The following MGMT variants were observed in gnomAD, a reference collection of about 807,000 sequenced individuals.
MGMT encodes the protein methylated-DNA--protein-cysteine methyltransferase.
MGMT carries 14 observed loss-of-function variants against 15.9 expected under a neutral mutation model. That is an observed-to-expected ratio of 0.88 (90% CI 0.58 to 1.37). The LOEUF is 1.37. Ranked by LOEUF, MGMT falls within the 40% of genes most tolerant of loss-of-function variation. The pLI, the probability that MGMT is intolerant of heterozygous loss-of-function variation, is 0.00. For synonymous variants in MGMT, 130 were observed against 118.2 expected, an observed-to-expected ratio of 1.10 and a Z score of -0.65; for missense variants, 282 against 268.1, an observed-to-expected ratio of 1.05 and a Z score of -0.36.
chr10:129,649,277 G>A (rs1393286907), intron 2 of MGMT, among the ~76,000 whole-genome samples: 3 of 152,036 alleles, frequency 2.0e-5, no homozygotes, highest in African/African-American at 7.3e-5. Flanking sequence ...TAACTATGTC[G>A]AGTGGATGGC....
chr10:129,485,779 TC>T (rs1845402178), intron 1 of MGMT, among the ~76,000 whole-genome samples: 1 of 152,190 alleles, frequency 6.6e-6, no homozygotes, highest in Non-Finnish European at 1.5e-5. Context: ...AGAAGTGGGA[TC>T]CCCACCAAGT....
intron 2 of MGMT, among the ~76,000 whole-genome samples, chr10:129,605,231 T>A (rs1228727219): frequency 6.6e-6 from 1 of 152,228 alleles, no homozygotes; most frequent in Non-Finnish European, 1.5e-5. Flanking sequence ...ATTTGATTAT[T>A]TTATTTTAAA....
chr10:129,601,489 C>T (rs1255047508), intron 2 of MGMT, among the ~76,000 whole-genome samples: 1 of 152,156 alleles, frequency 6.6e-6, no homozygotes, highest in Non-Finnish European at 1.5e-5. Flanking sequence ...TCCAGCCTTC[C>T]TGGCAGTGTG....
chr10:129,714,652 C>G (rs973935359), intron 3 of MGMT, among the ~76,000 whole-genome samples: 1 of 152,194 alleles, frequency 6.6e-6, no homozygotes, highest in Non-Finnish European at 1.5e-5. Flanking sequence ...AGGAATTTAT[C>G]AAAATGGATG....
chr10:129,729,953 T>TGA, intron 3 of MGMT, among the ~76,000 whole-genome samples: 1 of 152,282 alleles, frequency 6.6e-6, no homozygotes, highest in Admixed American at 6.5e-5. Flanking sequence ...GGTGTTGATA[T>TGA]GAGGTGTCTG....
chr10:129,510,107 G>A (rs902235019), intron 1 of MGMT, among the ~76,000 whole-genome samples: 6 of 152,138 alleles, frequency 3.9e-5, no homozygotes, highest in Non-Finnish European at 7.3e-5. Flanking sequence ...TGTCTCCTCG[G>A]GAGAACACCA....
chr10:129,635,607 T>A (rs1589906441), intron 2 of MGMT, among the ~76,000 whole-genome samples: 3 of 152,352 alleles, frequency 2.0e-5, no homozygotes, highest in African/African-American at 2.4e-5. Context: ...GGGTGTTTTT[T>A]AAAAAATAAT....
intron 2 of MGMT, among the ~76,000 whole-genome samples, chr10:129,688,100 A>T (rs1184177564): frequency 2.0e-5 from 3 of 152,150 alleles, no homozygotes; most frequent in Admixed American, 6.5e-5. Context: ...TCTATCATGG[A>T]TGGACATTTG....
chr10:129,488,004 T>TATAC (rs373993333), intron 1 of MGMT, among the ~76,000 whole-genome samples: 1 of 121,428 alleles, frequency 8.2e-6, no homozygotes, highest in East Asian at 2.3e-4. Context: ...CACATAGGTA[T>TATAC]ACACACACAC....
intron 3 of MGMT, among the ~76,000 whole-genome samples, chr10:129,728,065 G>A (rs186130487): frequency 6.6e-6 from 1 of 152,290 alleles, no homozygotes; most frequent in African/African-American, 2.4e-5. Context: ...CTCAAGGCAT[G>A]ATGGGAGCCA....
intron 3 of MGMT, among the ~76,000 whole-genome samples, chr10:129,749,926 A>C (rs1381750541): frequency 6.6e-6 from 1 of 152,090 alleles, no homozygotes; most frequent in African/African-American, 2.4e-5. Context: ...TCTTTGGTGA[A>C]GTGTCTGTTA....
intron 1 of MGMT, among the ~76,000 whole-genome samples, chr10:129,502,391 C>T (rs779359075): frequency 4.6e-5 from 7 of 152,044 alleles, no homozygotes; most frequent in Non-Finnish European, 8.8e-5. Flanking sequence ...TAATACGTTG[C>T]GTTCCTACCC....
chr10:129,704,696 T>C (rs1848138996), intron 2 of MGMT, among the ~76,000 whole-genome samples: 1 of 152,070 alleles, frequency 6.6e-6, no homozygotes, highest in Non-Finnish European at 1.5e-5. Flanking sequence ...AGGATTTGTG[T>C]GCTTGGAAAC....
intron 2 of MGMT, among the ~76,000 whole-genome samples, chr10:129,672,954 C>CGGCA (rs1444250706): frequency 6.6e-6 from 1 of 152,116 alleles, no homozygotes; most frequent in Non-Finnish European, 1.5e-5. Flanking sequence ...CTTGGGGCAC[C>CGGCA]GGCAGTGTGG....
At chr10:129,758,104 A>G (rs139957135) in intron 3 of MGMT, among the ~76,000 whole-genome samples, 2 of 152,350 alleles carry the variant, frequency 1.3e-5, no homozygotes, top group East Asian at 1.9e-4. Flanking sequence ...GCTTAATGTT[A>G]TAATAAAGAC....
intron 1 of MGMT, among the ~76,000 whole-genome samples, chr10:129,480,398 C>T (rs1020076957): frequency 1.3e-5 from 2 of 152,204 alleles, no homozygotes; most frequent in Admixed American, 6.5e-5. Flanking sequence ...GATTTTGTAG[C>T]GTCTTTCATC....
intron 2 of MGMT, among the ~76,000 whole-genome samples, chr10:129,643,182 A>G (rs1201875289): frequency 6.6e-6 from 1 of 152,154 alleles, no homozygotes; most frequent in Non-Finnish European, 1.5e-5. Flanking sequence ...GCTGTGGCCA[A>G]CTGAGGAGTA....
intron 2 of MGMT, among the ~76,000 whole-genome samples, chr10:129,567,419 G>A (rs1056258414): frequency 3.9e-5 from 6 of 152,096 alleles, no homozygotes; most frequent in Non-Finnish European, 8.8e-5. Flanking sequence ...TGTGGGTAGC[G>A]TAGCAAGTGC....
intron 1 of MGMT, among the ~76,000 whole-genome samples, chr10:129,487,980 T>TACACACACACACAC (rs113664356): frequency 7.3e-6 from 1 of 136,204 alleles, no homozygotes; most frequent in Non-Finnish European, 1.6e-5. Context: ...TACGCAGGTA[T>TACACACACACACAC]ACACACACAC....
Sources: allele counts gnomAD v4.1 joint callset (sites outside exome capture counted in the v4.1 genomes callset), GRCh38; gene constraint gnomAD v4.1.1; transcripts MANE v1.5; gene names NCBI Gene and HGNC (gene_info 2026-07-23, HGNC 2026-07-21).